Variants in SHTN1 observed in about 807,000 individuals in gnomAD.
SHTN1 encodes shootin-1.
A neutral mutation model predicts 83.1 loss-of-function variants in SHTN1; 42 were observed. The ratio of observed to expected loss-of-function variants is 0.51; its 90% CI spans 0.39 to 0.65. The LOEUF (loss-of-function observed/expected upper bound fraction) is 0.65, where lower values mean the gene tolerates loss of function less well. SHTN1 is among the 30% of genes least tolerant of loss of function. The pLI, the probability that SHTN1 is intolerant of heterozygous loss-of-function variation, is 0.00. For missense variants in SHTN1, 622 were observed against 737.8 expected (o/e 0.84, Z 1.82); for synonymous variants, 224 against 247.7 (o/e 0.90, Z 0.90).
At chr10:117,064,696 T>C in intron 1 of SHTN1, among the ~76,000 whole-genome samples, 1 of 150,390 alleles carries the variant, frequency 6.6e-6, no homozygotes, top group South Asian at 2.1e-4. Flanking sequence ...CCCCACTGCC[T>C]TTCCAAACCC....
At chr10:116,961,028 C>T (rs1197670924) in intron 3 of SHTN1, among the ~76,000 whole-genome samples, 4 of 151,828 alleles carry the variant, frequency 2.6e-5, no homozygotes, top group African/African-American at 9.7e-5. Context: ...AAGAAAAATG[C>T]CAATTCCTTC....
Position 116,954,029 on chromosome 10 carries a change from CAA to C in SHTN1, c.436+11_436+12del, listed in dbSNP as rs1849885739. On this transcript the variant is annotated intron_variant, in intron 5 of 16. Transcript: ENST00000355371. Reference sequence around the variant, plus strand: ...GTAAAAAATATGCTCAATAATTAAGCAAAGAGTTCTACCTTTAATTTGCTTCT... The same window carrying C: ...GTAAAAAATATGCTCAATAATTAAGCAGAGTTCTACCTTTAATTTGCTTCT... 1 of 1,597,202 alleles carries C rather than the reference CAA, an allele frequency of 6.3e-7. No homozygotes were observed. The highest frequency in any genetic ancestry group is 1.3e-5 in the African/African-American group (1 of 74,086).
intron 1 of SHTN1, among the ~76,000 whole-genome samples, chr10:117,115,432 T>C (rs572881633): frequency 4.2e-4 from 64 of 152,332 alleles, no homozygotes; most frequent in Middle Eastern, 3.4e-3. Flanking sequence ...CAGGGAATGT[T>C]AGTTTTCTTT....
intron 1 of SHTN1, among the ~76,000 whole-genome samples, chr10:117,107,275 C>A (rs1853684511): frequency 6.6e-6 from 1 of 152,088 alleles, no homozygotes. Flanking sequence ...GTACCCTGCC[C>A]AAAGTCACAC....
At chr10:116,991,977 A>AT (rs1851452103) in intron 1 of SHTN1, among the ~76,000 whole-genome samples, 1 of 152,004 alleles carries the variant, frequency 6.6e-6, no homozygotes, top group African/African-American at 2.4e-5. Flanking sequence ...CCCTGTCTCT[A>AT]CAAAAAATAC....
rs545822632 is a variant in SHTN1 at position 117,124,106 on chromosome 10, G to C, written c.-189+2201C>G. Reference sequence around the variant, plus strand: ...CATGCCTGCAGTCCCAGCTACTCAGGAGGCTGAGGTGGGAGGGTCCCTTGA... The same window carrying C: ...CATGCCTGCAGTCCCAGCTACTCAGCAGGCTGAGGTGGGAGGGTCCCTTGA... On this transcript the variant is annotated intron_variant, in intron 1 of 17. Transcript: ENST00000392901. 2.0e-5 allele frequency among the ~76,000 whole-genome samples: 3 copies of C among 151,836 alleles called. No individual in the cohort carries two copies. In the South Asian group the frequency reaches 6.3e-4, roughly 32 times the overall value.
intron 16 of SHTN1, among the ~76,000 whole-genome samples, chr10:116,891,335 TTA>T (rs1464813691): frequency 1.3e-5 from 2 of 152,218 alleles, no homozygotes; most frequent in Non-Finnish European, 2.9e-5. Flanking sequence ...GCTGGACTAT[TTA>T]ACACAATCTG....
At chr10:117,037,494 T>C (rs1852515153) in intron 2 of SHTN1, among the ~76,000 whole-genome samples, 1 of 152,180 alleles carries the variant, frequency 6.6e-6, no homozygotes, top group Non-Finnish European at 1.5e-5. Context: ...CTTCCTAAGT[T>C]GATCAATGCA....
Position 116,886,176 on chromosome 10 carries a change from GCTTA to G in SHTN1, c.*164_*167del, listed in dbSNP as rs749657080. On this transcript the variant is annotated 3_prime_UTR_variant, in exon 17 of 17. Transcript: ENST00000355371. Reference sequence around the variant, plus strand: ...CTAGGAATGTGTGTTTTGCTAAACAGCTTACTTATGTTTATAGTTGCTACTTACA... The same window carrying G: ...CTAGGAATGTGTGTTTTGCTAAACAGCTTATGTTTATAGTTGCTACTTACA... 31 of 954,206 alleles carry G rather than the reference GCTTA, an allele frequency of 3.2e-5. No homozygotes were observed. The highest frequency in any genetic ancestry group is 2.0e-4 in the Admixed American group (7 of 34,542). 59.1% of individuals were successfully genotyped at this position (954,206 alleles called of 1,614,324 possible).
intron 2 of SHTN1, among the ~76,000 whole-genome samples, chr10:116,970,380 G>A (rs1850568898): frequency 6.6e-6 from 1 of 152,142 alleles, no homozygotes; most frequent in African/African-American, 2.4e-5. Flanking sequence ...CTACAGAGCA[G>A]TGAAAATGAA....
intron 14 of SHTN1, chr10:116,908,030 C>T (rs1848043417): frequency 2.2e-6 from 1 of 451,068 alleles, no homozygotes; most frequent in Non-Finnish European, 4.4e-6. Flanking sequence ...CTTGTAAAAT[C>T]AGATGGTTAC....
chr10:116,941,175 T>C (rs970430264), intron 8 of SHTN1, among the ~76,000 whole-genome samples: 16 of 152,318 alleles, frequency 1.1e-4, no homozygotes, highest in African/African-American at 3.8e-4. Flanking sequence ...CACACGTAAG[T>C]GACAAGACCA....
intron 2 of SHTN1, among the ~76,000 whole-genome samples, chr10:117,022,668 C>A (rs1852280512): frequency 1.3e-5 from 2 of 152,120 alleles, no homozygotes; most frequent in African/African-American, 2.4e-5. Context: ...TGCCTATAAT[C>A]CCAGTACTTT....
At chr10:116,900,652 G>C in intron 16 of SHTN1, 1 of 1,499,804 alleles carries the variant, frequency 6.7e-7, no homozygotes, top group Non-Finnish European at 8.9e-7. Flanking sequence ...TTCAAATGTA[G>C]CCAGATTGTT....
intron 2 of SHTN1, among the ~76,000 whole-genome samples, chr10:117,012,131 T>TC (rs1421081598): frequency 7.6e-6 from 1 of 132,156 alleles, no homozygotes; most frequent in East Asian, 2.2e-4. Flanking sequence ...AGAATGAGAC[T>TC]CCATCTCAAA....
In SHTN1 at chr10:117,122,271, T is replaced by C. The variant is rs112965869; in HGVS notation, c.-189+4036A>G. On this transcript the variant is annotated intron_variant, in intron 1 of 17. Transcript: ENST00000392901. ...CTACTGCTCATGCAGCCTCAACCTATTGGGCTCAAGTGATCCTCCCAACTC... is the reference window on the plus strand; with the variant it reads ...CTACTGCTCATGCAGCCTCAACCTACTGGGCTCAAGTGATCCTCCCAACTC... Among the ~76,000 whole-genome samples the C allele has an allele frequency of 1.9e-3, 295 of 152,268 alleles. 1 individual carries two copies. Among genetic ancestry groups the C allele is most frequent in the African/African-American group, 6.8e-3 (283 of 41,554 alleles).
intron 11 of SHTN1, 58 bp downstream of exon 11, chr10:116,927,734 G>A (rs777369471): frequency 1.4e-6 from 2 of 1,443,510 alleles, no homozygotes; most frequent in Non-Finnish European, 1.8e-6. Context: ...CTCCTCTTAT[G>A]GCACAATCTG....
intron 2 of SHTN1, among the ~76,000 whole-genome samples, chr10:117,045,754 C>T (rs1177644978): frequency 6.6e-6 from 1 of 152,138 alleles, no homozygotes; most frequent in Non-Finnish European, 1.5e-5. Flanking sequence ...ATAAAACATG[C>T]AGCTTAAAGA....
chr10:117,015,711 G>C (rs991815039), intron 2 of SHTN1, among the ~76,000 whole-genome samples: 1 of 152,198 alleles, frequency 6.6e-6, no homozygotes, highest in Non-Finnish European at 1.5e-5. Context: ...CAATTTCTTT[G>C]AAAGTCTTCA....
Sources: gnomAD v4.1 joint callset for allele counts (sites outside exome capture counted in the v4.1 genomes callset) on GRCh38, gnomAD v4.1.1 for gene constraint, MANE v1.5 for transcripts, NCBI Gene and HGNC (gene_info 2026-07-23, HGNC 2026-07-21) for gene names.